CPQ: variants seen among roughly 807,000 people sequenced by gnomAD.
CPQ encodes the protein Ser-Met dipeptidase.
A neutral mutation model predicts 45.7 loss-of-function variants in CPQ; 37 were observed. That is an observed-to-expected ratio of 0.81 (90% CI 0.62 to 1.07). CPQ has a LOEUF of 1.07. Among genes scored for constraint, CPQ ranks in the 50% least tolerant of loss-of-function variants. CPQ has a pLI of 0.00. For missense variants in CPQ, 537 were observed against 572.9 expected (o/e 0.94, Z 0.64); for synonymous variants, 186 against 205.8 (o/e 0.90, Z 0.82).
chr8:97,128,473 T>A (rs1290508578), intron 7 of CPQ, among the ~76,000 whole-genome samples: 1 of 152,138 alleles, frequency 6.6e-6, no homozygotes, highest in African/African-American at 2.4e-5. Flanking sequence ...TCACCTGAGG[T>A]TAGGAGTTCA....
At chr8:96,880,576 T>TATATATATATATATACATAC (rs1359946797) in intron 4 of CPQ, among the ~76,000 whole-genome samples, 1 of 83,138 alleles carries the variant, frequency 1.2e-5, no homozygotes, top group Non-Finnish European at 2.5e-5. Context: ...TATATATATA[T>TATATATATATATATACATAC]ACCATGGAAT....
intron 1 of CPQ, among the ~76,000 whole-genome samples, chr8:96,675,048 T>G (rs1418735673): frequency 6.6e-6 from 1 of 152,068 alleles, no homozygotes; most frequent in Non-Finnish European, 1.5e-5. Context: ...GCATATTTGT[T>G]GAGAATTGAG....
intron 1 of CPQ, among the ~76,000 whole-genome samples, chr8:96,749,151 T>C (rs773409572): frequency 1.3e-5 from 2 of 152,200 alleles, no homozygotes; most frequent in Non-Finnish European, 2.9e-5. Context: ...CCATAATTGA[T>C]GTTAAATGAA....
At chr8:96,716,418 G>A (rs545030716) in intron 1 of CPQ, among the ~76,000 whole-genome samples, 2 of 152,076 alleles carry the variant, frequency 1.3e-5, no homozygotes, top group South Asian at 4.1e-4. Context: ...AGATTTTGGT[G>A]CATCCATCAC....
intron 1 of CPQ, among the ~76,000 whole-genome samples, chr8:96,737,537 G>A (rs571463774): frequency 6.6e-6 from 1 of 151,974 alleles, no homozygotes; most frequent in South Asian, 2.1e-4. Context: ...TGGGAGACTA[G>A]GCATGTCTCA....
intron 5 of CPQ, among the ~76,000 whole-genome samples, chr8:96,987,182 A>G (rs922655613): frequency 7.2e-5 from 11 of 152,134 alleles, no homozygotes; most frequent in Non-Finnish European, 2.9e-5. Context: ...ATATGTCCAT[A>G]TGTTATGTAT....
chr8:96,810,211 T>C (rs1220515273), intron 2 of CPQ, among the ~76,000 whole-genome samples: 1 of 152,226 alleles, frequency 6.6e-6, no homozygotes, highest in Non-Finnish European at 1.5e-5. Flanking sequence ...TTTGTCAGTA[T>C]ACTCACCAGA....
intron 7 of CPQ, among the ~76,000 whole-genome samples, chr8:97,078,453 A>G (rs1271374350): frequency 2.0e-5 from 3 of 152,188 alleles, no homozygotes; most frequent in African/African-American, 7.2e-5. Flanking sequence ...TACTAATTAT[A>G]TGATATTTCC....
intron 3 of CPQ, among the ~76,000 whole-genome samples, chr8:96,850,829 G>A (rs1312576059): frequency 6.6e-6 from 1 of 151,956 alleles, no homozygotes; most frequent in Admixed American, 6.6e-5. Flanking sequence ...GGCTGGTCTG[G>A]AACTCCTGAC....
At chr8:97,004,928 A>G (rs1249408969) in intron 5 of CPQ, among the ~76,000 whole-genome samples, 1 of 152,164 alleles carries the variant, frequency 6.6e-6, no homozygotes, top group Non-Finnish European at 1.5e-5. Flanking sequence ...AATTTTTATG[A>G]TGAATGTGAT....
chr8:96,897,420 A>G (rs1042342913), intron 4 of CPQ, among the ~76,000 whole-genome samples: 4 of 152,124 alleles, frequency 2.6e-5, no homozygotes, highest in African/African-American at 9.7e-5. Flanking sequence ...ACTGTATGAA[A>G]GAAGAACACG....
chr8:96,696,510 T>G (rs1809386277), intron 1 of CPQ, among the ~76,000 whole-genome samples: 1 of 144,386 alleles, frequency 6.9e-6, no homozygotes, highest in Non-Finnish European at 1.5e-5. Context: ...TAGAAGAAAA[T>G]AAATAATAAA....
rs894471836 is a variant in CPQ, at chr8:96,835,358, C to G, written c.641+178C>G. Among the ~76,000 whole-genome samples the G allele has an allele frequency of 3.3e-5, 5 of 152,176 alleles. No homozygotes were observed. In the South Asian group the frequency reaches 1.0e-3, roughly 32 times the overall value. On this transcript the variant is annotated intron_variant, in intron 3 of 7. Transcript: ENST00000220763. The stretch of plus-strand genomic sequence containing the variant: ...CATTTGTTTGTAATATCTTCTTTGG[C>G]TTTTCTGGATTCCAAGCATCACTTG...
intron 1 of CPQ, among the ~76,000 whole-genome samples, chr8:96,682,395 A>G (rs1235281914): frequency 1.3e-5 from 2 of 152,256 alleles, no homozygotes; most frequent in African/African-American, 4.8e-5. Flanking sequence ...GCCTGCTGCC[A>G]TCCACGTAAA....
Position 96,976,974 on chromosome 8 carries a change from G to T in CPQ, c.961+10928G>T, listed in dbSNP as rs750705545. Among the ~76,000 whole-genome samples, 73 of 152,162 alleles carry T rather than the reference G, an allele frequency of 4.8e-4. No homozygotes were observed. In the Middle Eastern group the frequency reaches 0.017, roughly 35 times the overall value. ...CATGACCAGGAACCCAAAAGCAAAT[G>T]CAACAAAAACAAAGATAGACATATG... On this transcript the variant is annotated intron_variant, in intron 5 of 7. Coordinates refer to ENST00000220763, the MANE Select transcript of CPQ (RefSeq NM_016134.4).
intron 6 of CPQ, among the ~76,000 whole-genome samples, chr8:97,040,969 T>G (rs2130488701): frequency 6.6e-6 from 1 of 152,008 alleles, no homozygotes; most frequent in South Asian, 2.1e-4. Context: ...TGATGCGGGC[T>G]CTTTTTTGGT....
At chr8:97,096,775 G>T (rs936759498) in intron 7 of CPQ, among the ~76,000 whole-genome samples, 2 of 152,230 alleles carry the variant, frequency 1.3e-5, no homozygotes, top group Non-Finnish European at 2.9e-5. Context: ...GAGGGGAAGA[G>T]TATAGTCCCT....
At chr8:96,685,824 C>T (rs1809220063) in intron 1 of CPQ, among the ~76,000 whole-genome samples, 1 of 152,096 alleles carries the variant, frequency 6.6e-6, no homozygotes, top group Non-Finnish European at 1.5e-5. Flanking sequence ...GTAGAACTGA[C>T]ATCTTTAACA....
intron 4 of CPQ, among the ~76,000 whole-genome samples, chr8:96,893,353 A>G (rs540603995): frequency 6.6e-6 from 1 of 152,334 alleles, no homozygotes; most frequent in Non-Finnish European, 1.5e-5. Context: ...TAAGCTTGGG[A>G]AATATTCTGG....
Sources: allele counts gnomAD v4.1 joint callset (sites outside exome capture counted in the v4.1 genomes callset), GRCh38; gene constraint gnomAD v4.1.1; transcripts MANE v1.5; gene names NCBI Gene and HGNC (gene_info 2026-07-23, HGNC 2026-07-21).